The following PCDHGA4 variants were observed in gnomAD, a reference collection of about 807,000 sequenced individuals.
PCDHGA4 encodes the protein protocadherin gamma subfamily A, 4.
In PCDHGA4, 38 loss-of-function variants were observed where a neutral mutation model predicts 54.6. The observed-to-expected ratio is 0.70, with a 90% CI of 0.54 to 0.91. The LOEUF (loss-of-function observed/expected upper bound fraction) is 0.91, where lower values mean the gene tolerates loss of function less well. PCDHGA4 is among the 40% of genes least tolerant of loss of function. PCDHGA4 has a pLI of 0.00. For synonymous variants in PCDHGA4, 511 were observed against 512.9 expected (o/e 1.00, Z 0.05); for missense variants, 1,298 against 1,220.9 (o/e 1.06, Z -0.94).
chr5:141,409,486 C>T, intron 1 of PCDHGA4: 1 of 1,613,992 alleles, frequency 6.2e-7, no homozygotes, highest in Non-Finnish European at 8.5e-7. Context: ...CTGACAGGGG[C>T]AAGCCGCCTC....
intron 1 of PCDHGA4, chr5:141,478,053 T>A (rs1461280529): frequency 1.2e-6 from 2 of 1,614,010 alleles, no homozygotes; most frequent in Non-Finnish European, 1.7e-6. Context: ...ACTCTCACGG[T>A]CTTGATCAAA....
chr5:141,408,048 G>C, intron 1 of PCDHGA4: 1 of 1,245,698 alleles, frequency 8.0e-7, no homozygotes, highest in Non-Finnish European at 1.1e-6. Context: ...CTCCCACACA[G>C]AGCCTCCCGG....
Position 141,432,108 on chromosome 5 carries a change from C to T in PCDHGA4, c.2515-62699C>T, listed in dbSNP as rs1432933024. The T allele has an allele frequency of 1.9e-6, 3 of 1,614,180 alleles. No homozygotes were observed. The highest frequency in any genetic ancestry group is 1.7e-5 in the Admixed American group (1 of 60,020). Reference sequence around the variant, plus strand: ...GTGGCAGACACCAACGACAACCCGCCGGTCTTCCCTCAGGCCTCCTATTCC... The same window carrying T: ...GTGGCAGACACCAACGACAACCCGCTGGTCTTCCCTCAGGCCTCCTATTCC... On this transcript the variant is annotated intron_variant, in intron 1 of 3. Coordinates refer to ENST00000571252, the MANE Select transcript of PCDHGA4 (RefSeq NM_018917.4). The surrounding 1 kb of genome is among the most constrained non-coding windows in gnomAD (Gnocchi z 6.0).
Position 141,490,202 on chromosome 5 carries a change from G to A in PCDHGA4, c.2515-4605G>A, listed in dbSNP as rs1594889134. On this transcript the variant is annotated intron_variant, in intron 1 of 3. Coordinates refer to ENST00000571252, the MANE Select transcript of PCDHGA4 (RefSeq NM_018917.4). The surrounding 1 kb of genome is among the most constrained non-coding windows in gnomAD (Gnocchi z 5.4). ...TCACGTTTCTATGAAATTCATGCAA[G>A]AGCCCGTGACCAGGGACAGCCTGCC... 1.2e-6 allele frequency: 2 copies of A among 1,614,220 alleles called. No homozygotes were observed. The highest frequency in any genetic ancestry group is 2.7e-5 in the African/African-American group (2 of 75,060).
intron 1 of PCDHGA4, chr5:141,378,580 C>T (rs999014628): frequency 2.6e-5 from 4 of 152,056 alleles, no homozygotes; most frequent in Non-Finnish European, 5.9e-5. Flanking sequence ...AAAACATGCT[C>T]GGTAGTGTCT....
At chr5:141,455,160 GT>G (rs59530096) in intron 1 of PCDHGA4, among the ~76,000 whole-genome samples, 102 of 149,212 alleles carry the variant, frequency 6.8e-4, no homozygotes, top group East Asian at 7.9e-4. Flanking sequence ...TAGTTTGTTG[GT>G]TTTTTTTTTA....
chr5:141,432,374 C>T lies in PCDHGA4; in HGVS notation c.2515-62433C>T. The T allele has an allele frequency of 6.2e-7, 1 of 1,614,240 alleles. No individual in the cohort carries two copies. The highest frequency in any genetic ancestry group is 1.1e-5 in the South Asian group (1 of 91,082). ...GAAAGTGATGGCGCGGGACAACGGG[C>T]ACCCGCCCCTCAGCAGCAACGTGTC... On this transcript the variant is annotated intron_variant, in intron 1 of 3. Transcript: ENST00000571252. The surrounding 1 kb of genome is among the most constrained non-coding windows in gnomAD (Gnocchi z 6.0).
rs374159387 is a variant in PCDHGA4, at chr5:141,385,182, G to A, written c.2514+27561G>A. 154 of 1,614,138 alleles carry A rather than the reference G, an allele frequency of 9.5e-5. 1 individual carries two copies. The African/African-American group carries it at 1.3e-3, about 14-fold the overall frequency. ...ATTCCCATGAGGTCTCCCTCACCGC[G>A]GACTCTCGGAAGAGTCACCTGATCT... On this transcript the variant is annotated intron_variant, in intron 1 of 3. Coordinates refer to ENST00000571252, the MANE Select transcript of PCDHGA4 (RefSeq NM_018917.4).
intron 1 of PCDHGA4, chr5:141,428,390 C>T (rs1043799152): frequency 8.0e-5 from 40 of 502,004 alleles, no homozygotes; most frequent in African/African-American, 6.6e-4. Context: ...TCTTCCAGCC[C>T]CTCTGCCTGG....
chr5:141,445,564 G>A (rs564704836), intron 1 of PCDHGA4, among the ~76,000 whole-genome samples: 20 of 152,306 alleles, frequency 1.3e-4, no homozygotes, highest in Admixed American at 1.2e-3. Context: ...CTAAGAGAAA[G>A]CTTATAGTAG....
chr5:141,494,812 C>G lies in PCDHGA4; in HGVS notation c.2520C>G (p.Ala840=). The part of the protein sequence containing the change: ...ETKGDPNLQQ[A]PPNTDWRFSQ... ...TCCCTCTGTTTTCTCCACAGCAAGCCCCGCCCAACACGGACTGGCGTTTCT... is the reference window on the plus strand; with the variant it reads ...TCCCTCTGTTTTCTCCACAGCAAGCGCCGCCCAACACGGACTGGCGTTTCT... The change falls in exon 2 of 4, where the codon GCC becomes GCG. Residue 840 remains alanine, a synonymous_variant. Coordinates refer to ENST00000571252, the MANE Select transcript of PCDHGA4 (RefSeq NM_018917.4). 4 of 1,614,146 alleles carry G rather than the reference C, an allele frequency of 2.5e-6. No homozygotes were observed. The highest frequency in any genetic ancestry group is 3.4e-6 in the Non-Finnish European group (4 of 1,180,016).
intron 1 of PCDHGA4, among the ~76,000 whole-genome samples, chr5:141,387,115 T>C (rs2090824355): frequency 6.6e-6 from 1 of 152,224 alleles, no homozygotes. Context: ...AATATTCCTG[T>C]AATGAAATCA....
At chr5:141,423,100 G>A in intron 1 of PCDHGA4, 1 of 1,613,944 alleles carries the variant, frequency 6.2e-7, no homozygotes, top group Non-Finnish European at 8.5e-7. Context: ...GGAGCACACG[G>A]GCGAGGTGCG....
At chr5:141,420,353 G>C (rs1281948860) in intron 1 of PCDHGA4, 1 of 1,382,260 alleles carries the variant, frequency 7.2e-7, no homozygotes, top group African/African-American at 1.5e-5. Context: ...ATTATTTTAA[G>C]ATTCTAGATA....
At chr5:141,385,442 G>A (rs949035085) in intron 1 of PCDHGA4, 28 of 1,449,952 alleles carry the variant, frequency 1.9e-5, no homozygotes, top group South Asian at 1.5e-5. Flanking sequence ...AGGTAAAAAT[G>A]AGTTTACCAG....
chr5:141,366,800 C>T (rs1243230147), intron 1 of PCDHGA4: 5 of 1,565,238 alleles, frequency 3.2e-6, no homozygotes, highest in Non-Finnish European at 4.3e-6. Context: ...TCATTTGTTT[C>T]CTTTTTCATG....
intron 1 of PCDHGA4, chr5:141,372,273 C>A (rs201775561): frequency 5.4e-4 from 865 of 1,613,108 alleles, no homozygotes; most frequent in Non-Finnish European, 6.7e-4. Flanking sequence ...GGGTGAGGTG[C>A]GCACGGCGCG....
chr5:141,355,432 A>C lies in PCDHGA4; in HGVS notation c.325A>C (p.Asn109His), dbSNP rs1759852204. ...SRGRTQLFAL[N>H]PRSGTLVTAG... ...AGGTAGGACGCAGCTTTTCGCCCTG[A>C]ACCCGCGCAGCGGCACCTTGGTCAC... The change falls in exon 1 of 4, where the codon AAC becomes CAC. Residue 109 changes from asparagine (N) to histidine (H), a missense_variant. Asn to His is a moderately conservative substitution (Grantham distance 68). Transcript: ENST00000571252. 6.2e-7 allele frequency: 1 copy of C among 1,613,966 alleles called. No homozygotes were observed. Among genetic ancestry groups the C allele is most frequent in the Non-Finnish European group, 8.5e-7 (1 of 1,179,926 alleles).
chr5:141,393,367 G>T, intron 1 of PCDHGA4: 1 of 1,613,962 alleles, frequency 6.2e-7, no homozygotes, highest in South Asian at 1.1e-5. Context: ...GTGCAGACTG[G>T]AGACAATGGA....
Sources: gnomAD v4.1 joint callset for allele counts (sites outside exome capture counted in the v4.1 genomes callset) on GRCh38, gnomAD v4.1.1 for gene constraint, Gnocchi (gnomAD v3.1) non-coding constraint, MANE v1.5 for transcripts, NCBI Gene and HGNC (gene_info 2026-07-23, HGNC 2026-07-21) for gene names.